Variants in RCOR1 observed in about 807,000 individuals in gnomAD.
The protein encoded by RCOR1 is REST corepressor.
RCOR1 carries 12 observed loss-of-function variants against 64.0 expected under a neutral mutation model. The observed-to-expected ratio is 0.19, with a 90% CI of 0.12 to 0.30. RCOR1 has a LOEUF of 0.30. RCOR1 is among the 10% of genes least tolerant of loss of function. The probability of loss-of-function intolerance (pLI) is 1.00; values close to 1 mark genes in which losing one functional copy is unlikely to be tolerated. For missense variants in RCOR1, 502 were observed against 621.2 expected, an observed-to-expected ratio of 0.81 and a Z score of 2.04; for synonymous variants, 279 against 227.2, an observed-to-expected ratio of 1.23 and a Z score of -2.05.
intron 3 of RCOR1, among the ~76,000 whole-genome samples, chr14:102,684,611 T>G (rs567690271): frequency 6.6e-6 from 1 of 152,264 alleles, no homozygotes; most frequent in Admixed American, 6.5e-5. Flanking sequence ...AAAAGTAATA[T>G]TTACATATTG....
intron 2 of RCOR1, among the ~76,000 whole-genome samples, chr14:102,612,339 G>A (rs1893648631): frequency 6.6e-6 from 1 of 151,880 alleles, no homozygotes; most frequent in South Asian, 2.1e-4. Flanking sequence ...GAGTAGCTGG[G>A]ATTACAGGTG....
intron 2 of RCOR1, among the ~76,000 whole-genome samples, chr14:102,624,431 G>A (rs979959183): frequency 6.6e-6 from 1 of 151,892 alleles, no homozygotes; most frequent in Non-Finnish European, 1.5e-5. Flanking sequence ...CTTGAACCCA[G>A]GAGGCAGAGG....
chr14:102,702,408 T>C (rs1390000865), intron 4 of RCOR1, among the ~76,000 whole-genome samples: 1 of 151,800 alleles, frequency 6.6e-6, no homozygotes, highest in Non-Finnish European at 1.5e-5. Context: ...GATCTCATCT[T>C]ACCTCTTTTG....
intron 2 of RCOR1, among the ~76,000 whole-genome samples, chr14:102,605,800 T>A (rs1255847112): frequency 6.6e-6 from 1 of 152,144 alleles, no homozygotes; most frequent in African/African-American, 2.4e-5. Context: ...CTCTAGAATA[T>A]GACACCTCCA....
At chr14:102,658,633 G>T in intron 2 of RCOR1, 1 of 985,170 alleles carries the variant, frequency 1.0e-6, no homozygotes, top group Non-Finnish European at 1.2e-6. Context: ...CCCTCACTTG[G>T]GTTCCTCTTA....
chr14:102,681,370 A>G (rs1444911833), intron 2 of RCOR1, among the ~76,000 whole-genome samples: 2 of 152,220 alleles, frequency 1.3e-5, no homozygotes, highest in South Asian at 2.1e-4. Context: ...TCAGTAATAC[A>G]TGTCAGCTCC....
rs1191788345 is a variant in RCOR1, at chr14:102,592,832, C to T, written c.-55C>T. ...GCGCCCCCTCCCCCGTCTCGGCGCC[C>T]CCTCCTCAGGAGCCGCGGGTCCCCG... On this transcript the variant is annotated 5_prime_UTR_variant, in exon 1 of 12. Coordinates refer to ENST00000262241, the MANE Select transcript of RCOR1 (RefSeq NM_015156.4). The T allele has an allele frequency of 6.0e-6, 7 of 1,174,564 alleles. No individual in the cohort carries two copies. The highest frequency in any genetic ancestry group is 7.4e-6 in the Non-Finnish European group (7 of 952,104). The allele number at this position is 1,174,564 out of a possible 1,614,324, so 72.8% of individuals were successfully genotyped here. A position where few individuals can be genotyped will look rare whatever the true frequency, so the allele number is the denominator to read the frequency against.
intron 2 of RCOR1, among the ~76,000 whole-genome samples, chr14:102,612,445 C>T (rs570274002): frequency 1.5e-4 from 23 of 152,164 alleles, no homozygotes; most frequent in African/African-American, 4.6e-4. Flanking sequence ...GCGATCTGCC[C>T]GCCTCAGCCT....
chr14:102,637,166 G>A (rs1212776958), intron 2 of RCOR1, among the ~76,000 whole-genome samples: 2 of 144,420 alleles, frequency 1.4e-5, no homozygotes, highest in African/African-American at 2.6e-5. Context: ...TTACTCTGTC[G>A]CCCAGGCTGG....
chr14:102,593,002 C>G lies in RCOR1; in HGVS notation c.116C>G (p.Ala39Gly). The G allele has an allele frequency of 1.7e-6, 2 of 1,189,512 alleles. No individual in the cohort carries two copies. Among genetic ancestry groups the G allele is most frequent in the Middle Eastern group, 3.4e-4 (1 of 2,912 alleles). The allele number at this position is 1,189,512 out of a possible 1,614,324, so 73.7% of individuals were successfully genotyped here. Residue 39 changes from alanine (A) to glycine (G), a missense_variant, in exon 1 of 12, where the codon GCC (alanine) becomes GGC (glycine). Around this residue, in one of 2 missense-constraint regions of RCOR1, gnomAD observed 242 missense variants for 204.9 expected, o/e 1.18. Coordinates refer to ENST00000262241, the MANE Select transcript of RCOR1 (RefSeq NM_015156.4). The stretch of plus-strand genomic sequence containing the variant: ...TCCGCCGCCGCCTCGGCCGCCTGCG[C>G]CTCGCCAGCCGCCACTGCCGCCTCG... ...AASAAASAACASPAATAASGA... is the reference protein window; with the variant it reads ...AASAAASAACGSPAATAASGA...
intron 2 of RCOR1, among the ~76,000 whole-genome samples, chr14:102,665,866 A>G (rs2139944250): frequency 6.6e-6 from 1 of 152,348 alleles, no homozygotes; most frequent in Admixed American, 6.5e-5. Context: ...AGTAATAGTT[A>G]ATAATTATAT....
intron 2 of RCOR1, among the ~76,000 whole-genome samples, chr14:102,659,481 G>C (rs778751345): frequency 6.6e-6 from 1 of 152,184 alleles, no homozygotes; most frequent in Non-Finnish European, 1.5e-5. Flanking sequence ...GCACACATGT[G>C]TCAAACAAGA....
intron 2 of RCOR1, among the ~76,000 whole-genome samples, chr14:102,677,832 T>TG (rs539485901): frequency 0.011 from 1,728 of 150,680 alleles, 5 homozygotes; most frequent in Admixed American, 0.017. Context: ...CTCGGCACTT[T>TG]GGGGGGCCAA....
At chr14:102,673,546 AG>A (rs1895074704) in intron 2 of RCOR1, among the ~76,000 whole-genome samples, 1 of 152,028 alleles carries the variant, frequency 6.6e-6, no homozygotes, top group Non-Finnish European at 1.5e-5. Context: ...TGTGTTAGCC[AG>A]GATGGTCTCG....
intron 2 of RCOR1, among the ~76,000 whole-genome samples, chr14:102,656,749 C>T (rs1894733185): frequency 6.7e-6 from 1 of 150,136 alleles, no homozygotes; most frequent in South Asian, 2.1e-4. Flanking sequence ...ATTACTCCCA[C>T]AGCACCTGCT....
chr14:102,647,323 T>C (rs572542402), intron 2 of RCOR1, among the ~76,000 whole-genome samples: 1 of 152,184 alleles, frequency 6.6e-6, no homozygotes, highest in Admixed American at 6.5e-5. Flanking sequence ...AGGATTTTTT[T>C]TTCTTCTTTT....
rs1894773733 is a variant in RCOR1 at position 102,658,689 on chromosome 14, C to T, written c.362-23206C>T. On this transcript the variant is annotated intron_variant, in intron 2 of 11. Coordinates refer to ENST00000262241, the MANE Select transcript of RCOR1 (RefSeq NM_015156.4). ...CAATACCCAGAAACCAACACTGATA[C>T]ATTACTAAGTTCCACATTTTATTTA... is the stretch of plus-strand genomic sequence containing the variant. The T allele has an allele frequency of 3.4e-6, 3 of 885,726 alleles. No individual in the cohort carries two copies. In the Admixed American group the frequency reaches 1.9e-4, roughly 55 times the overall value. The allele number at this position is 885,726 out of a possible 1,614,324, so 54.9% of individuals were successfully genotyped here.
chr14:102,606,214 C>A (rs1180662031), intron 2 of RCOR1, among the ~76,000 whole-genome samples: 2 of 152,176 alleles, frequency 1.3e-5, no homozygotes. Flanking sequence ...GCATGAGCCA[C>A]CGTGCCCGGC....
intron 11 of RCOR1, among the ~76,000 whole-genome samples, chr14:102,726,047 G>T (rs1254173784): frequency 1.3e-5 from 2 of 152,120 alleles, no homozygotes; most frequent in East Asian, 1.9e-4. Context: ...GAACATGGTG[G>T]GCTGGGCGTG....
Sources: allele counts gnomAD v4.1 joint callset (sites outside exome capture counted in the v4.1 genomes callset), GRCh38; gene constraint gnomAD v4.1.1; regional missense constraint gnomAD v4.1.1; transcripts MANE v1.5; gene names NCBI Gene and HGNC (gene_info 2026-07-23, HGNC 2026-07-21).